TUBGCP5: variants seen among roughly 807,000 people sequenced by gnomAD.
TUBGCP5 encodes the protein tubulin gamma complex component 5.
In TUBGCP5, 98 loss-of-function variants were observed where a neutral mutation model predicts 134.7. The observed-to-expected ratio is 0.73, with a 90% CI of 0.62 to 0.86. TUBGCP5 has a LOEUF of 0.86. Ranked by LOEUF, TUBGCP5 falls within the 40% of genes least tolerant of loss-of-function variation. TUBGCP5 has a pLI of 0.00. For missense variants in TUBGCP5, 1,150 were observed against 1,244.8 expected (o/e 0.92, Z 1.15); for synonymous variants, 456 against 431.4 (o/e 1.06, Z -0.71).
intron 11 of TUBGCP5, among the ~76,000 whole-genome samples, chr15:23,020,584 C>CAAAAAAAAAAAAAAAA (rs542905350): frequency 2.5e-4 from 19 of 76,236 alleles, no homozygotes; most frequent in South Asian, 5.2e-4. Context: ...GACTACGTCT[C>CAAAAAAAAAAAAAAAA]AAAAAAAAAA....
At position 23,013,326 on chromosome 15, in the gene TUBGCP5, G is replaced by C. The variant is rs62009509; in HGVS notation, c.1757-1995C>G. On this transcript the variant is annotated intron_variant, in intron 13 of 22. Transcript: ENST00000615383. The surrounding 1 kb of genome is among the most constrained non-coding windows in gnomAD (Gnocchi z 4.5). ...AAATTAGCCGGGCACGGTGGTGTGCGCCTGTAGTCCCAGCTGCTGGGGAGG... is the reference window on the plus strand; with the variant it reads ...AAATTAGCCGGGCACGGTGGTGTGCCCCTGTAGTCCCAGCTGCTGGGGAGG... 1.3e-5 allele frequency among the ~76,000 whole-genome samples: 2 copies of C among 151,712 alleles called. No individual in the cohort carries two copies. Among genetic ancestry groups the C allele is most frequent in the Non-Finnish European group, 2.9e-5 (2 of 67,912 alleles).
chr15:23,035,493 T>A (rs571116994), intron 3 of TUBGCP5, among the ~76,000 whole-genome samples: 3 of 152,040 alleles, frequency 2.0e-5, no homozygotes, highest in Non-Finnish European at 4.4e-5. Context: ...TCATTAGGCA[T>A]TAGATTGTCA....
rs2065890824 is a variant in TUBGCP5, at chr15:23,024,671, C to G, written c.921+66G>C. On this transcript the variant is annotated intron_variant, in intron 9 of 22. Coordinates refer to ENST00000615383, the MANE Select transcript of TUBGCP5 (RefSeq NM_052903.6). ...AGCAATTTTAATATTGTAAAATGTTCTAAAATTATATTACTAGTTTACATA... is the reference window on the plus strand; with the variant it reads ...AGCAATTTTAATATTGTAAAATGTTGTAAAATTATATTACTAGTTTACATA... 5.7e-6 allele frequency: 5 copies of G among 877,674 alleles called. No homozygotes were observed. In the East Asian group the frequency reaches 1.4e-4, roughly 25 times the overall value. 54.4% of individuals were successfully genotyped at this position (877,674 alleles called of 1,614,324 possible).
intron 12 of TUBGCP5, among the ~76,000 whole-genome samples, chr15:23,018,247 TA>T (rs1227023275): frequency 6.6e-6 from 1 of 152,206 alleles, no homozygotes; most frequent in East Asian, 1.9e-4. Flanking sequence ...AAGTAAAATT[TA>T]AGTAGAAATA....
intron 8 of TUBGCP5, among the ~76,000 whole-genome samples, chr15:23,025,755 C>T (rs1205976728): frequency 6.7e-6 from 1 of 150,286 alleles, no homozygotes; most frequent in Non-Finnish European, 1.5e-5. Flanking sequence ...GGCGTGAACC[C>T]AGGAGGTGAA....
rs1483966131 is a variant in TUBGCP5 at position 23,013,470 on chromosome 15, T to G, written c.1757-2139A>C. On this transcript the variant is annotated intron_variant, in intron 13 of 22. Coordinates refer to ENST00000615383, the MANE Select transcript of TUBGCP5 (RefSeq NM_052903.6). The surrounding 1 kb of genome is among the most constrained non-coding windows in gnomAD (Gnocchi z 4.5). ...CAAAAAAAAAAGATCCGACTGGAGT[T>G]GAAGGGCGAGTGCTGGAGTGCAGAG... Among the ~76,000 whole-genome samples, 1 of 150,470 alleles carries G rather than the reference T, an allele frequency of 6.6e-6. No individual in the cohort carries two copies. The highest frequency in any genetic ancestry group is 6.6e-5 in the Admixed American group (1 of 15,096).
chr15:23,018,013 C>T lies in TUBGCP5; in HGVS notation c.1516G>A (p.Asp506Asn). 2 of 1,611,578 alleles carry T rather than the reference C, an allele frequency of 1.2e-6. No homozygotes were observed. Among genetic ancestry groups the T allele is most frequent in the Non-Finnish European group, 1.7e-6 (2 of 1,178,292 alleles). ...RNKNVPVNHRDFWYATYTLYS... is the reference protein window; with the variant it reads ...RNKNVPVNHRNFWYATYTLYS... ...AACGTGTAAGTTGCATACCAGAAGT[C>T]TCTGTGATTAACTGGAACATTTTTG... Residue 506 changes from aspartate to asparagine, a missense_variant, in exon 13 of 23, where the codon GAC (aspartate) becomes AAC (asparagine). Coordinates refer to ENST00000615383, the MANE Select transcript of TUBGCP5 (RefSeq NM_052903.6).
chr15:23,020,264 G>A (rs2065594518), intron 11 of TUBGCP5, among the ~76,000 whole-genome samples: 1 of 152,038 alleles, frequency 6.6e-6, no homozygotes, highest in Non-Finnish European at 1.5e-5. Context: ...AAAATTAGAT[G>A]GGCATGGTGG....
Position 23,004,151 on chromosome 15 carries a change from T to C in TUBGCP5, c.2789A>G (p.His930Arg). ...AKDLDQLIKIHYRYLSTIHDR... is the reference protein window; with the variant it reads ...AKDLDQLIKIRYRYLSTIHDR... ...ATGGATGGTTGACAGATACCTATAG[T>C]GAATTTTAATCAATTGATCTAAATC... Residue 930 changes from histidine to arginine, a missense_variant, in exon 20 of 23, where the codon CAC (histidine) becomes CGC (arginine). Around this residue, in one of 2 missense-constraint regions of TUBGCP5, gnomAD observed 697 missense variants for 850.1 expected, o/e 0.82. Coordinates refer to ENST00000615383, the MANE Select transcript of TUBGCP5 (RefSeq NM_052903.6). 3 of 1,613,504 alleles carry C rather than the reference T, an allele frequency of 1.9e-6. No individual in the cohort carries two copies. The highest frequency in any genetic ancestry group is 2.5e-6 in the Non-Finnish European group (3 of 1,179,808).
At chr15:23,033,714 C>T (rs922155881) in intron 3 of TUBGCP5, among the ~76,000 whole-genome samples, 3 of 152,136 alleles carry the variant, frequency 2.0e-5, no homozygotes, top group East Asian at 1.9e-4. Flanking sequence ...AATATACATA[C>T]GCATAGAATT....
rs1218056296 is a variant in TUBGCP5 at position 23,013,495 on chromosome 15, G to A, written c.1757-2164C>T. Among the ~76,000 whole-genome samples the A allele has an allele frequency of 6.6e-6, 1 of 152,120 alleles. No individual in the cohort carries two copies. The highest frequency in any genetic ancestry group is 1.9e-4 in the East Asian group (1 of 5,180). On this transcript the variant is annotated intron_variant, in intron 13 of 22. Transcript: ENST00000615383. The surrounding 1 kb of genome is among the most constrained non-coding windows in gnomAD (Gnocchi z 4.5). ...TGAAGGGCGAGTGCTGGAGTGCAGA[G>A]GGGGAATGTGACACAGTGTTGGTGA...
At chr15:22,989,504 C>T (rs1411564170) in intron 23 of TUBGCP5, among the ~76,000 whole-genome samples, 1 of 152,176 alleles carries the variant, frequency 6.6e-6, no homozygotes, top group African/African-American at 2.4e-5. Context: ...TACATATCCC[C>T]TTAAATCATA....
At chr15:23,035,669 C>T (rs927011877) in intron 3 of TUBGCP5, among the ~76,000 whole-genome samples, 2 of 152,142 alleles carry the variant, frequency 1.3e-5, no homozygotes, top group African/African-American at 2.4e-5. Context: ...CTAGCAGGCA[C>T]ATATTGGTAC....
chr15:23,030,281 CAT>C (rs1184139915), intron 6 of TUBGCP5, among the ~76,000 whole-genome samples: 3 of 152,128 alleles, frequency 2.0e-5, no homozygotes, highest in Non-Finnish European at 4.4e-5. Flanking sequence ...TGTATTAAGA[CAT>C]AATACTACAA....
rs2064950935 is a variant in TUBGCP5 at position 23,010,087 on chromosome 15, C to A, written c.2002G>T (p.Asp668Tyr). 1.2e-6 allele frequency: 2 copies of A among 1,613,936 alleles called. No homozygotes were observed. Among genetic ancestry groups the A allele is most frequent in the African/African-American group, 2.7e-5 (2 of 74,910 alleles). The change falls in exon 15 of 23, where the codon GAT becomes TAT. Residue 668 changes from aspartate to tyrosine, a missense_variant. Transcript: ENST00000615383. The part of the protein sequence containing the change: ...SDFHEKFAGG[D>Y]VCVDRSSESV... ...TCCGATGATCTATCCACACATACAT[C>A]ACCACCAGCAAACTTCTCGTGAAAG... is the stretch of plus-strand genomic sequence containing the variant.
At chr15:23,033,270 T>C (rs1384877517) in intron 3 of TUBGCP5, among the ~76,000 whole-genome samples, 1 of 152,052 alleles carries the variant, frequency 6.6e-6, no homozygotes, top group East Asian at 1.9e-4. Flanking sequence ...CACAAACTTA[T>C]GTTGTTTCAT....
At chr15:23,012,293 A>C (rs955209184) in intron 13 of TUBGCP5, among the ~76,000 whole-genome samples, 1 of 152,174 alleles carries the variant, frequency 6.6e-6, no homozygotes. Flanking sequence ...AGTGAAAATA[A>C]GTATTGCATC....
intron 23 of TUBGCP5, among the ~76,000 whole-genome samples, chr15:22,991,970 G>C (rs1158424438): frequency 1.3e-5 from 2 of 152,126 alleles, no homozygotes; most frequent in Non-Finnish European, 1.5e-5. Flanking sequence ...GTCCACATTA[G>C]GTACCGGACA....
intron 21 of TUBGCP5, among the ~76,000 whole-genome samples, chr15:23,001,399 T>C (rs2064363390): frequency 6.6e-6 from 1 of 150,676 alleles, no homozygotes; most frequent in African/African-American, 2.4e-5. Flanking sequence ...GAGTGCAATG[T>C]AGCGATCTCG....
Sources: gnomAD v4.1 joint callset for allele counts (sites outside exome capture counted in the v4.1 genomes callset) on GRCh38, gnomAD v4.1.1 for gene constraint, gnomAD v4.1.1 regional missense constraint, Gnocchi (gnomAD v3.1) non-coding constraint, MANE v1.5 for transcripts, NCBI Gene and HGNC (gene_info 2026-07-23, HGNC 2026-07-21) for gene names.